The following KIF1B variants were observed in gnomAD, a reference collection of about 807,000 sequenced individuals.
KIF1B encodes the protein kinesin-like protein KIF1B.
KIF1B carries 76 observed loss-of-function variants against 241.9 expected under a neutral mutation model. That is an observed-to-expected ratio of 0.31 (90% CI 0.26 to 0.38). The LOEUF is 0.38. Among genes scored for constraint, KIF1B ranks in the 10% least tolerant of loss-of-function variants. The pLI is 1.00. For missense variants in KIF1B, 1,622 were observed against 2,271.4 expected (o/e 0.71, Z 5.81); for synonymous variants, 750 against 796.7 (o/e 0.94, Z 0.99).
chr1:10,280,693 A>G (rs1341900567), intron 14 of KIF1B, among the ~76,000 whole-genome samples: 3 of 152,242 alleles, frequency 2.0e-5, no homozygotes, highest in Non-Finnish European at 4.4e-5. Context: ...GGACTGCAAC[A>G]GCTCTGTCTG....
rs1557644261 is a variant in KIF1B at position 10,220,405 on chromosome 1, A to AGATAGATAGATAGATAGAT, written c.-80+9528_-80+9546dup. Among the ~76,000 whole-genome samples, 426 of 137,556 alleles carry AGATAGATAGATAGATAGAT rather than the reference A, an allele frequency of 3.1e-3. 1 individual carries two copies. Among genetic ancestry groups the AGATAGATAGATAGATAGAT allele is most frequent in the Middle Eastern group, 7.4e-3 (2 of 270 alleles). 90.2% of individuals were successfully genotyped at this position (137,556 alleles called of 152,430 possible). A position where few individuals can be genotyped will look rare whatever the true frequency, so the allele number is the denominator to read the frequency against. ...ATAGATAGATAGATAGATGATAGATAGATAGATAGATAGATAGATAGATAG... is the reference window on the plus strand; with the variant it reads ...ATAGATAGATAGATAGATGATAGATAGATAGATAGATAGATAGATGATAGATAGATAGATAGATAGATAG... On this transcript the variant is annotated intron_variant, in intron 1 of 48. Coordinates refer to ENST00000676179, the MANE Select transcript of KIF1B (RefSeq NM_001365951.3).
intron 33 of KIF1B, 27 bp downstream of exon 33, chr1:10,342,195 T>A: frequency 7.4e-7 from 1 of 1,359,076 alleles, no homozygotes. Flanking sequence ...CAAACATTTT[T>A]GATGGTATTG....
chr1:10,297,443 T>G (rs532072435), intron 22 of KIF1B, among the ~76,000 whole-genome samples, 197 bp downstream of exon 22: 1 of 152,338 alleles, frequency 6.6e-6, no homozygotes, highest in East Asian at 1.9e-4. Context: ...AGAGGTACTC[T>G]TTTGGGCTTT....
At chr1:10,220,371 A>AATAGATAGATAGATAGATAGATAGATAG (rs1553160021) in intron 1 of KIF1B, among the ~76,000 whole-genome samples, 1 of 143,566 alleles carries the variant, frequency 7.0e-6, no homozygotes, top group Non-Finnish European at 1.5e-5. Context: ...ACCCTGTTTC[A>AATAGATAGATAGATAGATAGATAGATAG]ATAGATAGAT....
At chr1:10,315,374 C>T (rs1651259388) in intron 22 of KIF1B, among the ~76,000 whole-genome samples, 1 of 150,736 alleles carries the variant, frequency 6.6e-6, no homozygotes, top group Non-Finnish European at 1.5e-5. Flanking sequence ...TGGGGTTTCA[C>T]CATGTTGGCC....
At position 10,326,102 on chromosome 1, in the gene KIF1B, GGT is replaced by G. The variant is rs2102301578; in HGVS notation, c.2676-6_2676-5del. On this transcript the variant is annotated splice_polypyrimidine_tract_variant and splice_region_variant and intron_variant, in intron 26 of 48. Coordinates refer to ENST00000676179, the MANE Select transcript of KIF1B (RefSeq NM_001365951.3). This position sits in a 1 kb window ranked among gnomAD's most constrained non-coding sequence, Gnocchi z 5.2. ...GGCTGTGTTAATTGGCGTCTTACCTGGTGTCTAGCTCCCCCATTTTCCACGGC... is the reference window on the plus strand; with the variant it reads ...GGCTGTGTTAATTGGCGTCTTACCTGGTCTAGCTCCCCCATTTTCCACGGC... 1 of 1,613,904 alleles carries G rather than the reference GGT, an allele frequency of 6.2e-7. No homozygotes were observed. Among genetic ancestry groups the G allele is most frequent in the Middle Eastern group, 1.7e-4 (1 of 5,954 alleles).
At chr1:10,308,468 T>C (rs1263912013) in intron 22 of KIF1B, 2 of 1,037,768 alleles carry the variant, frequency 1.9e-6, no homozygotes, top group African/African-American at 3.4e-5. Context: ...TCTCAATTTC[T>C]TAAACAACAA....
At position 10,337,206 on chromosome 1, in the gene KIF1B, A is replaced by G. The variant is rs1388178227; in HGVS notation, c.3259+3A>G. 2 of 1,614,172 alleles carry G rather than the reference A, an allele frequency of 1.2e-6. No individual in the cohort carries two copies. Among genetic ancestry groups the G allele is most frequent in the African/African-American group, 1.3e-5 (1 of 75,046 alleles). ...AATCAGTCGAATTAATGACTTGGGT[A>G]TGTAGACATAGTTTACTGTGCTTGG... On this transcript the variant is annotated splice_donor_region_variant and intron_variant, in intron 30 of 48. Transcript: ENST00000676179. The surrounding 1 kb of genome is among the most constrained non-coding windows in gnomAD (Gnocchi z 4.0).
chr1:10,322,763 A>G (rs1651573770), intron 24 of KIF1B, among the ~76,000 whole-genome samples: 1 of 152,220 alleles, frequency 6.6e-6, no homozygotes. Flanking sequence ...AGTAGACTAA[A>G]TAAAGGCAGT....
At chr1:10,291,504 A>T (rs879419937) in intron 16 of KIF1B, among the ~76,000 whole-genome samples, 3 of 152,036 alleles carry the variant, frequency 2.0e-5, no homozygotes, top group African/African-American at 2.4e-5. Flanking sequence ...AGGTCGGGAG[A>T]TCGAGACCAT....
intron 10 of KIF1B, among the ~76,000 whole-genome samples, chr1:10,273,979 C>T (rs1648965518): frequency 6.7e-6 from 1 of 148,298 alleles, no homozygotes; most frequent in Admixed American, 6.8e-5. Context: ...CACTGCTGCC[C>T]AGGCTGGGGT....
chr1:10,340,923 A>G (rs1006635289), intron 32 of KIF1B, among the ~76,000 whole-genome samples: 11 of 152,254 alleles, frequency 7.2e-5, no homozygotes, highest in Admixed American at 5.9e-4. Context: ...CTTGCTAACC[A>G]TGTCTGCTCT....
intron 4 of KIF1B, among the ~76,000 whole-genome samples, chr1:10,260,834 T>C (rs1162601284): frequency 1.3e-5 from 2 of 149,434 alleles, no homozygotes. Flanking sequence ...GCCATTGCAC[T>C]CTAGCATGAG....
At chr1:10,352,810 C>A in intron 38 of KIF1B, 74 bp downstream of exon 38, 1 of 1,028,774 alleles carries the variant, frequency 9.7e-7, no homozygotes. Context: ...GTGCCTTATT[C>A]ATTAATGACT....
In KIF1B at chr1:10,312,623, T is replaced by C. The variant is rs1452597395; in HGVS notation, c.2116-7420T>C. Among the ~76,000 whole-genome samples the C allele has an allele frequency of 3.3e-5, 5 of 151,484 alleles. 1 individual carries two copies. The highest frequency in any genetic ancestry group is 4.9e-5 in the African/African-American group (2 of 40,750). ...ACAAGTTTTCTTGCTTTTCCTGAAA[T>C]ATGTGGTGCCCCTTTCCATTTCAGG... On this transcript the variant is annotated intron_variant, in intron 22 of 48. Coordinates refer to ENST00000676179, the MANE Select transcript of KIF1B (RefSeq NM_001365951.3).
At chr1:10,236,606 C>A (rs1376845608) in intron 2 of KIF1B, among the ~76,000 whole-genome samples, 1 of 152,112 alleles carries the variant, frequency 6.6e-6, no homozygotes, top group East Asian at 1.9e-4. Flanking sequence ...GGTATCTGTT[C>A]TTGGAAGGCA....
At position 10,304,822 on chromosome 1, in the gene KIF1B, T is replaced by G. The variant is rs554459898; in HGVS notation, c.2115+7576T>G. ...AAAGTTTCAACACCTCCCTTTTGCT[T>G]GTATACCATAAATGGGCAGTTTCTG... On this transcript the variant is annotated intron_variant, in intron 22 of 48. Coordinates refer to ENST00000676179, the MANE Select transcript of KIF1B (RefSeq NM_001365951.3). The G allele has an allele frequency of 1.1e-5, 16 of 1,461,136 alleles. No individual in the cohort carries two copies. In the South Asian group the frequency reaches 2.0e-4, roughly 18 times the overall value. The allele number at this position is 1,461,136 out of a possible 1,614,324, so 90.5% of individuals were successfully genotyped here.
In KIF1B at chr1:10,379,227, CTT is replaced by C. The variant is rs1638962719; in HGVS notation, c.*2643_*2644del. The stretch of plus-strand genomic sequence containing the variant: ...GAAATTATGTGATACACTGAAATGA[CTT>C]TTGTTTTTCTTCTAACTCATACAAA... On this transcript the variant is annotated 3_prime_UTR_variant, in exon 49 of 49. Coordinates refer to ENST00000676179, the MANE Select transcript of KIF1B (RefSeq NM_001365951.3). 1 of 232,258 alleles carries C rather than the reference CTT, an allele frequency of 4.3e-6. No individual in the cohort carries two copies. The highest frequency in any genetic ancestry group is 6.1e-5 in the East Asian group (1 of 16,386). 14.4% of individuals were successfully genotyped at this position (232,258 alleles called of 1,614,324 possible).
chr1:10,294,969 AT>A, intron 17 of KIF1B, 116 bp from the exon 18 acceptor site: 2 of 766,674 alleles, frequency 2.6e-6, no homozygotes, highest in South Asian at 2.8e-5. Context: ...ATAAAAAGAA[AT>A]CCCTCTCTAG....
Sources: gnomAD v4.1 joint callset for allele counts (sites outside exome capture counted in the v4.1 genomes callset) on GRCh38, gnomAD v4.1.1 for gene constraint, Gnocchi (gnomAD v3.1) non-coding constraint, MANE v1.5 for transcripts, NCBI Gene and HGNC (gene_info 2026-07-23, HGNC 2026-07-21) for gene names.